The following FER variants were observed in gnomAD, a reference collection of about 807,000 sequenced individuals.
The protein encoded by FER is tyrosine-protein kinase Fer.
In FER, 63 loss-of-function variants were observed where a neutral mutation model predicts 111.0. That is an observed-to-expected ratio of 0.57 (90% CI 0.46 to 0.70). The LOEUF (loss-of-function observed/expected upper bound fraction) is 0.70. Ranked by LOEUF, FER falls within the 30% of genes least tolerant of loss-of-function variation. The pLI is 0.00. For synonymous variants in FER, 327 were observed against 313.9 expected (o/e 1.04, Z -0.44); for missense variants, 914 against 954.0 (o/e 0.96, Z 0.55).
chr5:108,973,162 T>C (rs1217822977), intron 13 of FER, among the ~76,000 whole-genome samples: 1 of 152,174 alleles, frequency 6.6e-6, no homozygotes, highest in African/African-American at 2.4e-5. Context: ...TATTAACCCA[T>C]TTGAAAAGTG....
intron 3 of FER, among the ~76,000 whole-genome samples, chr5:108,823,817 G>A (rs920194580): frequency 6.6e-6 from 1 of 152,082 alleles, no homozygotes; most frequent in South Asian, 2.1e-4. Flanking sequence ...TTTGTTGTCT[G>A]TGCTTTTGGT....
At chr5:109,049,277 A>C (rs1035259168) in intron 16 of FER, among the ~76,000 whole-genome samples, 4 of 152,184 alleles carry the variant, frequency 2.6e-5, no homozygotes, top group African/African-American at 9.7e-5. Context: ...GGGTCTCACA[A>C]AGCCAAAATC....
chr5:108,952,108 C>T (rs1439412454), intron 11 of FER, among the ~76,000 whole-genome samples: 1 of 152,034 alleles, frequency 6.6e-6, no homozygotes, highest in Non-Finnish European at 1.5e-5. Context: ...TTAAATATAA[C>T]TTATTAACTG....
At chr5:108,989,017 C>T (rs1348598416) in intron 13 of FER, among the ~76,000 whole-genome samples, 3 of 152,022 alleles carry the variant, frequency 2.0e-5, no homozygotes, top group Non-Finnish European at 4.4e-5. Context: ...TTTTTAATTT[C>T]CATCTTGATT....
chr5:108,843,211 A>G (rs1467784089), intron 5 of FER, among the ~76,000 whole-genome samples: 3 of 152,300 alleles, frequency 2.0e-5, no homozygotes, highest in East Asian at 3.9e-4. Flanking sequence ...AATAGTCTCC[A>G]ATCTCATCCA....
At chr5:108,920,209 C>G (rs1162497915) in intron 10 of FER, among the ~76,000 whole-genome samples, 3 of 151,934 alleles carry the variant, frequency 2.0e-5, no homozygotes, top group Non-Finnish European at 4.4e-5. Context: ...AAATTAAATG[C>G]ATATAGTTTT....
chr5:108,975,791 C>A (rs768646705), intron 13 of FER, among the ~76,000 whole-genome samples: 4 of 152,110 alleles, frequency 2.6e-5, no homozygotes, highest in Non-Finnish European at 4.4e-5. Flanking sequence ...GCTTAGTTAT[C>A]TGTCAGAATC....
intron 10 of FER, among the ~76,000 whole-genome samples, chr5:108,898,324 T>C (rs1749451880): frequency 2.0e-5 from 3 of 152,308 alleles, no homozygotes; most frequent in Admixed American, 6.5e-5. Flanking sequence ...AATAAATACA[T>C]TCAAATTCAC....
chr5:108,942,525 A>G (rs1334535509), intron 10 of FER, among the ~76,000 whole-genome samples: 1 of 152,324 alleles, frequency 6.6e-6, no homozygotes, highest in East Asian at 1.9e-4. Context: ...GAGAGTGAAT[A>G]CTTCTAAAAT....
chr5:108,845,019 T>TACATATATATATATATGTATATAC (rs1387172962), intron 5 of FER, among the ~76,000 whole-genome samples: 1 of 51,546 alleles, frequency 1.9e-5, no homozygotes, highest in African/African-American at 6.5e-5. Context: ...TATATATATA[T>TACATATATATATATATGTATATAC]ATATATATAT....
At chr5:108,939,083 G>A (rs2149604811) in intron 10 of FER, among the ~76,000 whole-genome samples, 1 of 152,050 alleles carries the variant, frequency 6.6e-6, no homozygotes, top group East Asian at 1.9e-4. Context: ...ATCTATTAAT[G>A]GCCATTTAAA....
chr5:109,034,008 T>A (rs968935337), intron 13 of FER, among the ~76,000 whole-genome samples: 3 of 152,104 alleles, frequency 2.0e-5, no homozygotes, highest in African/African-American at 7.2e-5. Flanking sequence ...AATCTGGAGC[T>A]TTTTGTAGCA....
chr5:108,988,282 A>T (rs1207128727), intron 13 of FER, among the ~76,000 whole-genome samples: 4 of 151,682 alleles, frequency 2.6e-5, no homozygotes, highest in Non-Finnish European at 5.9e-5. Flanking sequence ...TCTGATTTTG[A>T]TATTAGGATG....
intron 4 of FER, among the ~76,000 whole-genome samples, chr5:108,834,684 G>A (rs1760424746): frequency 6.7e-6 from 1 of 149,476 alleles, no homozygotes; most frequent in Non-Finnish European, 1.5e-5. Context: ...GGGCAACAGA[G>A]GGAGATTCTG....
intron 2 of FER, among the ~76,000 whole-genome samples, chr5:108,789,874 A>T (rs1036542255): frequency 6.6e-6 from 1 of 152,186 alleles, no homozygotes; most frequent in Non-Finnish European, 1.5e-5. Flanking sequence ...AAATGCTGGG[A>T]TTACAGGTGT....
At position 109,047,122 on chromosome 5, in the gene FER, T is replaced by A. The variant is rs1267828105; in HGVS notation, c.1848T>A (p.Asp616Glu). Residue 616 changes from aspartate (D) to glutamate (E), a missense_variant, in exon 16 of 20, where the codon GAT becomes GAA. By Grantham distance (45) the Asp-to-Glu change is conservative. Around this residue, in one of 3 missense-constraint regions of FER, gnomAD observed 774 missense variants for 782.6 expected, o/e 0.99. Transcript: ENST00000281092. ...LQEAKILKQY[D>E]HPNIVKLIGV... is the part of the protein sequence containing the mutation. Reference sequence around the variant, plus strand: ...CATCTAGAATTCTCAAGCAATATGATCATCCCAATATTGTCAAACTTATAG... The same window carrying A: ...CATCTAGAATTCTCAAGCAATATGAACATCCCAATATTGTCAAACTTATAG... 1.3e-6 allele frequency: 2 copies of A among 1,589,320 alleles called. No homozygotes were observed. Among genetic ancestry groups the A allele is most frequent in the African/African-American group, 1.4e-5 (1 of 73,950 alleles).
At chr5:109,094,879 A>G (rs1245798857) in intron 16 of FER, among the ~76,000 whole-genome samples, 1 of 152,150 alleles carries the variant, frequency 6.6e-6, no homozygotes, top group Non-Finnish European at 1.5e-5. Context: ...TTATCTCCAA[A>G]GTCCCTTCTA....
intron 2 of FER, among the ~76,000 whole-genome samples, chr5:108,780,026 CA>C: frequency 6.6e-6 from 1 of 152,106 alleles, no homozygotes. Flanking sequence ...CTATTTTGAA[CA>C]AATGCTTATG....
intron 13 of FER, among the ~76,000 whole-genome samples, chr5:108,985,621 T>C (rs145761489): frequency 2.3e-3 from 343 of 152,286 alleles, no homozygotes; most frequent in African/African-American, 7.7e-3. Context: ...CCAAAGTCCA[T>C]TGTATCATTC....
Sources: gnomAD v4.1 joint callset for allele counts (sites outside exome capture counted in the v4.1 genomes callset) on GRCh38, gnomAD v4.1.1 for gene constraint, gnomAD v4.1.1 regional missense constraint, MANE v1.5 for transcripts, NCBI Gene and HGNC (gene_info 2026-07-23, HGNC 2026-07-21) for gene names.